Variants in RNF152 observed in about 807,000 individuals in gnomAD.
The protein encoded by RNF152 is E3 ubiquitin-protein ligase RNF152.
Under a neutral mutation model 12.7 loss-of-function variants are expected in RNF152, and 11 were observed. The observed-to-expected ratio is 0.86, with a 90% CI of 0.54 to 1.43. The LOEUF (loss-of-function observed/expected upper bound fraction) is 1.43. RNF152 is among the 40% of genes most tolerant of loss of function. RNF152 has a pLI of 0.00. For synonymous variants in RNF152, 113 were observed against 120.3 expected (o/e 0.94, Z 0.40); for missense variants, 255 against 274.8 (o/e 0.93, Z 0.51).
chr18:61,846,418 C>T (rs946294771), intron 1 of RNF152, among the ~76,000 whole-genome samples: 4 of 152,170 alleles, frequency 2.6e-5, no homozygotes, highest in African/African-American at 9.7e-5. Context: ...TCAATCTCAT[C>T]GCTACATTGA....
intron 1 of RNF152, among the ~76,000 whole-genome samples, chr18:61,851,592 G>A (rs1409554937): frequency 2.0e-5 from 3 of 152,180 alleles, no homozygotes; most frequent in East Asian, 3.9e-4. Context: ...GTAACTACCT[G>A]AGTATCCCCC....
chr18:61,857,621 T>C (rs1178170660), intron 1 of RNF152, among the ~76,000 whole-genome samples: 1 of 152,196 alleles, frequency 6.6e-6, no homozygotes, highest in Non-Finnish European at 1.5e-5. Flanking sequence ...CTCATCGCCA[T>C]GTTCTGACGA....
intron 1 of RNF152, among the ~76,000 whole-genome samples, chr18:61,856,917 C>T (rs962412429): frequency 6.6e-6 from 1 of 152,176 alleles, no homozygotes; most frequent in African/African-American, 2.4e-5. Context: ...GTCACCTAAG[C>T]GTTATTTACA....
intron 1 of RNF152, among the ~76,000 whole-genome samples, chr18:61,876,192 T>C (rs1007761047): frequency 2.6e-5 from 4 of 152,190 alleles, no homozygotes; most frequent in Non-Finnish European, 5.9e-5. Context: ...ACGGGCATTG[T>C]CAAATACTAC....
At chr18:61,825,586 T>C (rs773851519) in intron 1 of RNF152, among the ~76,000 whole-genome samples, 3 of 152,134 alleles carry the variant, frequency 2.0e-5, no homozygotes, top group African/African-American at 4.8e-5. Flanking sequence ...GATATTAAGA[T>C]GGTAACTTAA....
chr18:61,844,364 T>C (rs942080721), intron 1 of RNF152, among the ~76,000 whole-genome samples: 1 of 152,190 alleles, frequency 6.6e-6, no homozygotes, highest in Admixed American at 6.5e-5. Context: ...CAAATATCTT[T>C]TATAAAATCT....
At chr18:61,882,956 C>T (rs1195003029) in intron 1 of RNF152, among the ~76,000 whole-genome samples, 2 of 152,196 alleles carry the variant, frequency 1.3e-5, no homozygotes, top group Non-Finnish European at 2.9e-5. Context: ...AACTTGTCTG[C>T]TAGCATCATG....
At chr18:61,887,381 G>C (rs1342813233) in intron 1 of RNF152, among the ~76,000 whole-genome samples, 1 of 147,366 alleles carries the variant, frequency 6.8e-6, no homozygotes, top group Non-Finnish European at 1.5e-5. Context: ...AGTGGCAACT[G>C]TCACTAAGTG....
chr18:61,861,585 T>C (rs1911484883), intron 1 of RNF152, among the ~76,000 whole-genome samples: 1 of 152,228 alleles, frequency 6.6e-6, no homozygotes. Context: ...AGTGTCTTAG[T>C]CCATTTAGTG....
intron 1 of RNF152, among the ~76,000 whole-genome samples, chr18:61,852,504 G>C (rs1477545188): frequency 6.6e-6 from 1 of 152,178 alleles, no homozygotes; most frequent in Non-Finnish European, 1.5e-5. Flanking sequence ...GTAAGACAGA[G>C]TCCTCAACAG....
chr18:61,827,592 T>TTATATA (rs141984385), intron 1 of RNF152, among the ~76,000 whole-genome samples: 6 of 152,094 alleles, frequency 3.9e-5, no homozygotes, highest in East Asian at 3.8e-4. Context: ...CCAGTGGGTT[T>TTATATA]TATAGATATC....
At chr18:61,885,373 T>A (rs1333308484) in intron 1 of RNF152, among the ~76,000 whole-genome samples, 1 of 152,192 alleles carries the variant, frequency 6.6e-6, no homozygotes, top group East Asian at 1.9e-4. Flanking sequence ...AGTGGTGCGA[T>A]CTCAACTCAC....
At chr18:61,890,195 T>C (rs1912892802) in intron 1 of RNF152, among the ~76,000 whole-genome samples, 1 of 152,212 alleles carries the variant, frequency 6.6e-6, no homozygotes, top group East Asian at 1.9e-4. Context: ...CACCAAGCAC[T>C]GAGCTAGGTC....
chr18:61,853,678 T>C (rs1011200385), intron 1 of RNF152, among the ~76,000 whole-genome samples: 1 of 152,188 alleles, frequency 6.6e-6, no homozygotes, highest in Non-Finnish European at 1.5e-5. Flanking sequence ...TCTGTCACTA[T>C]ATCTCCTACC....
intron 1 of RNF152, among the ~76,000 whole-genome samples, chr18:61,841,978 A>T (rs1407388534): frequency 2.0e-5 from 3 of 152,242 alleles, no homozygotes; most frequent in Admixed American, 6.5e-5. Flanking sequence ...TGTTCCAATA[A>T]AACTTTATTT....
intron 1 of RNF152, among the ~76,000 whole-genome samples, chr18:61,866,213 C>G (rs1450088824): frequency 6.6e-6 from 1 of 152,146 alleles, no homozygotes; most frequent in Non-Finnish European, 1.5e-5. Flanking sequence ...TCTCATCTCT[C>G]CCCAATACCA....
At chr18:61,892,091 T>C (rs150297373) in intron 1 of RNF152, among the ~76,000 whole-genome samples, 2 of 152,278 alleles carry the variant, frequency 1.3e-5, no homozygotes, top group Non-Finnish European at 2.9e-5. Context: ...AAAACAGAAC[T>C]ATCCTTGGAA....
chr18:61,886,012 T>G (rs1912683040), intron 1 of RNF152, among the ~76,000 whole-genome samples: 3 of 75,830 alleles, frequency 4.0e-5, no homozygotes, highest in South Asian at 7.8e-4. Context: ...TTTTTTTTTT[T>G]TGTGGGCAAA....
rs1909038710 is a variant in RNF152 at position 61,815,844 on chromosome 18, A to G, written c.*8T>C. ...TGGCACCCACAAGAGACTTCCCTGCAGCCCTCTTCAGCCACAGGATATCAC... is the reference window on the plus strand; with the variant it reads ...TGGCACCCACAAGAGACTTCCCTGCGGCCCTCTTCAGCCACAGGATATCAC... On this transcript the variant is annotated 3_prime_UTR_variant, in exon 2 of 2. Transcript: ENST00000312828. 1 of 1,610,828 alleles carries G rather than the reference A, an allele frequency of 6.2e-7. No individual in the cohort carries two copies. Among genetic ancestry groups the G allele is most frequent in the Non-Finnish European group, 8.5e-7 (1 of 1,177,252 alleles).
Sources: gnomAD v4.1 joint callset for allele counts (sites outside exome capture counted in the v4.1 genomes callset) on GRCh38, gnomAD v4.1.1 for gene constraint, MANE v1.5 for transcripts, NCBI Gene and HGNC (gene_info 2026-07-23, HGNC 2026-07-21) for gene names.